The following NMT2 variants were observed in gnomAD, a reference collection of about 807,000 sequenced individuals.
NMT2 encodes glycylpeptide N-tetradecanoyltransferase 2.
Under a neutral mutation model 65.4 loss-of-function variants are expected in NMT2, and 35 were observed. The observed-to-expected ratio is 0.54, with a 90% confidence interval of 0.41 to 0.71. The LOEUF is 0.71. Among genes scored for constraint, NMT2 ranks in the 30% least tolerant of loss-of-function variants. NMT2 has a pLI of 0.00. For missense variants in NMT2, 489 were observed against 611.3 expected, an observed-to-expected ratio of 0.80 and a Z score of 2.11; for synonymous variants, 226 against 231.8, an observed-to-expected ratio of 0.98 and a Z score of 0.23.
At chr10:15,121,152 T>A (rs894760636) in intron 8 of NMT2, among the ~76,000 whole-genome samples, 1 of 152,208 alleles carries the variant, frequency 6.6e-6, no homozygotes, top group Non-Finnish European at 1.5e-5. Flanking sequence ...AAACCTGATT[T>A]TTCCCCCCCT....
intron 1 of NMT2, among the ~76,000 whole-genome samples, chr10:15,157,430 A>C (rs1476060638): frequency 6.6e-6 from 1 of 152,132 alleles, no homozygotes; most frequent in African/African-American, 2.4e-5. Flanking sequence ...CAGCGCTTTC[A>C]CCCAGGAGAT....
intron 1 of NMT2, among the ~76,000 whole-genome samples, chr10:15,158,665 T>G (rs146284814): frequency 1.5e-3 from 225 of 152,332 alleles, no homozygotes; most frequent in African/African-American, 5.1e-3. Context: ...AGACACGCTG[T>G]GTTCTGCAAA....
chr10:15,132,543 T>C (rs907898530), intron 6 of NMT2, among the ~76,000 whole-genome samples: 2 of 152,178 alleles, frequency 1.3e-5, no homozygotes, highest in Non-Finnish European at 2.9e-5. Flanking sequence ...TTCTCCTGCC[T>C]CAGCCTCCTG....
chr10:15,113,098 T>C (rs553174066), intron 9 of NMT2, 135 bp from the exon 10 acceptor site: 1 of 889,610 alleles, frequency 1.1e-6, no homozygotes, highest in East Asian at 2.6e-5. Context: ...CAGTCCAATT[T>C]GGGGCCCCTT....
chr10:15,136,827 CTTTTTTTT>C (rs113306321), intron 2 of NMT2, among the ~76,000 whole-genome samples: 1 of 142,598 alleles, frequency 7.0e-6, no homozygotes, highest in African/African-American at 2.5e-5. Context: ...TTCCCCAGTT[CTTTTTTTT>C]TTTTTTTTAA....
In NMT2 at chr10:15,107,984, A is replaced by AGAG; in HGVS notation, c.*1208_*1210dup. On this transcript the variant is annotated 3_prime_UTR_variant, in exon 12 of 12. Transcript: ENST00000378165. ...ACAGTTTTCATGATAAAATCAGCAT[A>AGAG]GAGGAGTATGTGCAATTTTGCATAA... 12 of 985,676 alleles carry AGAG rather than the reference A, an allele frequency of 1.2e-5. No homozygotes were observed. Among genetic ancestry groups the AGAG allele is most frequent in the Non-Finnish European group, 1.4e-5 (12 of 829,800 alleles). The allele number at this position is 985,676 out of a possible 1,614,324, so 61.1% of individuals were successfully genotyped here.
intron 9 of NMT2, among the ~76,000 whole-genome samples, chr10:15,114,311 C>T (rs1347453893): frequency 6.6e-6 from 1 of 152,198 alleles, no homozygotes; most frequent in Non-Finnish European, 1.5e-5. Context: ...TACTTCTTCA[C>T]ATTCATATTG....
At chr10:15,115,564 C>G (rs1429385883) in intron 9 of NMT2, among the ~76,000 whole-genome samples, 1 of 152,036 alleles carries the variant, frequency 6.6e-6, no homozygotes, top group Non-Finnish European at 1.5e-5. Context: ...CATAAAGAAA[C>G]CAAATAATCA....
At chr10:15,130,114 A>T (rs778353858) in intron 7 of NMT2, 28 bp downstream of exon 7, 1 of 1,423,232 alleles carries the variant, frequency 7.0e-7, no homozygotes, top group Admixed American at 2.5e-5. Context: ...TAAAGGGAGG[A>T]CCTGAGGTAG....
At chr10:15,154,734 A>C in intron 1 of NMT2, 1 of 578,336 alleles carries the variant, frequency 1.7e-6, no homozygotes, top group Non-Finnish European at 3.2e-6. Flanking sequence ...AATGGGGTGG[A>C]GGGTGTTCTT....
At chr10:15,141,375 C>T in intron 2 of NMT2, 47 bp downstream of exon 2, 1 of 1,609,660 alleles carries the variant, frequency 6.2e-7, no homozygotes, top group Non-Finnish European at 8.5e-7. Context: ...TAAACCCACT[C>T]ATGCACGAGA....
chr10:15,154,516 C>T (rs758741406), intron 1 of NMT2, among the ~76,000 whole-genome samples: 89 of 152,318 alleles, frequency 5.8e-4, no homozygotes, highest in Non-Finnish European at 1.1e-3. Flanking sequence ...ATGGCTAGTA[C>T]CCACTCCTAA....
chr10:15,165,713 A>C (rs1238914687), intron 1 of NMT2, among the ~76,000 whole-genome samples: 1 of 152,004 alleles, frequency 6.6e-6, no homozygotes, highest in Non-Finnish European at 1.5e-5. Context: ...CCCCATCTCT[A>C]CTAAAAATAC....
In NMT2 at chr10:15,112,791, C is replaced by T. The variant is rs1845606321; in HGVS notation, c.1338+5G>A. 1.9e-6 allele frequency: 3 copies of T among 1,607,120 alleles called. No individual in the cohort carries two copies. Among genetic ancestry groups the T allele is most frequent in the South Asian group, 2.2e-5 (2 of 90,480 alleles). ...AAACGGCGTGAACAGGAAGGAGTGGCTTACCGATTTAGCCAGGATGAGCGC... is the reference window on the plus strand; with the variant it reads ...AAACGGCGTGAACAGGAAGGAGTGGTTTACCGATTTAGCCAGGATGAGCGC... On this transcript the variant is annotated splice_donor_5th_base_variant and intron_variant, in intron 10 of 11. Transcript: ENST00000378165.
intron 1 of NMT2, among the ~76,000 whole-genome samples, chr10:15,162,026 G>C (rs1007380841): frequency 6.6e-6 from 1 of 152,186 alleles, no homozygotes; most frequent in African/African-American, 2.4e-5. Flanking sequence ...ACGGAGGTGG[G>C]TGAACTGCTT....
chr10:15,108,767 TTC>T lies in NMT2; in HGVS notation c.*426_*427del, dbSNP rs1270747372. 9.8e-7 allele frequency: 1 copy of T among 1,020,232 alleles called. No individual in the cohort carries two copies. Among genetic ancestry groups the T allele is most frequent in the African/African-American group, 1.7e-5 (1 of 57,442 alleles). 63.2% of individuals were successfully genotyped at this position (1,020,232 alleles called of 1,614,324 possible). On this transcript the variant is annotated 3_prime_UTR_variant, in exon 12 of 12. Transcript: ENST00000378165. Reference sequence around the variant, plus strand: ...AAAAAATTTCCAAATGGATCTTTTGTTCTGTTACATGGACAAATGTACCATCA... The same window carrying T: ...AAAAAATTTCCAAATGGATCTTTTGTTGTTACATGGACAAATGTACCATCA...
Position 15,107,918 on chromosome 10 carries a change from C to G in NMT2, c.*1277G>C. 1.0e-6 allele frequency: 1 copy of G among 985,548 alleles called. No individual in the cohort carries two copies. The highest frequency in any genetic ancestry group is 1.2e-6 in the Non-Finnish European group (1 of 829,690). The allele number at this position is 985,548 out of a possible 1,614,324, so 61.1% of individuals were successfully genotyped here. A position where few individuals can be genotyped will look rare whatever the true frequency, so the allele number is the denominator to read the frequency against. ...ACCATCAGTAACAAAATTATGAATA[C>G]TTATTTACAAATAAGACATTTTCCA... On this transcript the variant is annotated 3_prime_UTR_variant, in exon 12 of 12. Transcript: ENST00000378165.
chr10:15,162,577 A>G (rs1833235690), intron 1 of NMT2, among the ~76,000 whole-genome samples: 1 of 151,926 alleles, frequency 6.6e-6, no homozygotes, highest in Admixed American at 6.6e-5. Context: ...CACAACAATA[A>G]GAGTCAGCGA....
intron 3 of NMT2, 31 bp from the exon 4 acceptor site, chr10:15,133,394 G>A (rs1359223118): frequency 5.3e-6 from 8 of 1,504,814 alleles, no homozygotes; most frequent in African/African-American, 2.8e-5. Context: ...AAAAAAGAAA[G>A]GCAAAAAGCG....
Sources: allele counts gnomAD v4.1 joint callset (sites outside exome capture counted in the v4.1 genomes callset), GRCh38; gene constraint gnomAD v4.1.1; transcripts MANE v1.5; gene names NCBI Gene and HGNC (gene_info 2026-07-23, HGNC 2026-07-21).